The following DOCK1 variants were observed in gnomAD, a reference collection of about 807,000 sequenced individuals.
DOCK1 encodes dedicator of cytokinesis protein 1.
In DOCK1, 138 loss-of-function variants were observed where a neutral mutation model predicts 262.7. That is an observed-to-expected ratio of 0.53 (90% CI 0.46 to 0.61). The LOEUF (loss-of-function observed/expected upper bound fraction) is 0.61, where lower values mean the gene tolerates loss of function less well. Ranked by LOEUF, DOCK1 falls within the 20% of genes least tolerant of loss-of-function variation. DOCK1 has a pLI of 0.00. For missense variants in DOCK1, 1,908 were observed against 2,370.7 expected (o/e 0.80, Z 4.05); for synonymous variants, 866 against 867.4 (o/e 1.00, Z 0.03).
intron 38 of DOCK1, among the ~76,000 whole-genome samples, chr10:127,395,305 A>G (rs1402465250): frequency 6.6e-6 from 1 of 152,098 alleles, no homozygotes; most frequent in Non-Finnish European, 1.5e-5. Context: ...CCTGCTCCAC[A>G]TAAGTAGTGC....
At position 126,981,930 on chromosome 10, in the gene DOCK1, G is replaced by A. The variant is rs1025603420; in HGVS notation, c.184G>A (p.Ala62Thr). The A allele has an allele frequency of 7.4e-6, 12 of 1,612,718 alleles. No individual in the cohort carries two copies. Among genetic ancestry groups the A allele is most frequent in the Non-Finnish European group, 1.0e-5 (12 of 1,179,470 alleles). The change falls in exon 4 of 52, where the codon GCT becomes ACT. Residue 62 changes from alanine to threonine, a missense_variant. By Grantham distance (58) the Ala-to-Thr change is moderately conservative. Around this residue, in one of 9 missense-constraint regions of DOCK1, gnomAD observed 227 missense variants for 254.1 expected, o/e 0.89. Coordinates refer to ENST00000623213, the MANE Select transcript of DOCK1 (RefSeq NM_001290223.2). ...RKKSKKGIFP[A>T]SYIHLKEAIV... is the part of the protein sequence containing the mutation. The stretch of plus-strand genomic sequence containing the variant: ...TTTCCTCCCAAAGGGTATATTTCCT[G>A]CTTCATATATTCATCTTAAAGAAGC...
At chr10:127,438,871 A>G (rs1013933282) in intron 48 of DOCK1, among the ~76,000 whole-genome samples, 156 bp from the exon 49 acceptor site, 1 of 152,186 alleles carries the variant, frequency 6.6e-6, no homozygotes, top group African/African-American at 2.4e-5. Context: ...CAGTCCTTGC[A>G]TCTGGTGACT....
At chr10:127,415,316 A>T (rs2068091193) in intron 44 of DOCK1, 78 bp downstream of exon 44, 9 of 1,436,630 alleles carry the variant, frequency 6.3e-6, no homozygotes, top group Non-Finnish European at 7.7e-6. Flanking sequence ...TCACCTGCTC[A>T]TGCCCCGTGG....
At chr10:127,302,859 G>A (rs2061736001) in intron 29 of DOCK1, among the ~76,000 whole-genome samples, 1 of 151,462 alleles carries the variant, frequency 6.6e-6, no homozygotes, top group South Asian at 2.1e-4. Context: ...AATATGGACA[G>A]CAGACAGCCC....
chr10:127,255,038 C>T (rs1230971802), intron 28 of DOCK1, among the ~76,000 whole-genome samples: 2 of 152,190 alleles, frequency 1.3e-5, no homozygotes, highest in African/African-American at 4.8e-5. Flanking sequence ...GATTTTGCCT[C>T]TGAAGCAGAT....
chr10:126,933,064 G>T (rs1282687549), intron 1 of DOCK1, among the ~76,000 whole-genome samples: 1 of 152,048 alleles, frequency 6.6e-6, no homozygotes. Context: ...TGGACAAGCA[G>T]AAGGCCCAGG....
At chr10:127,339,731 G>GTT in intron 30 of DOCK1, among the ~76,000 whole-genome samples, 1 of 100,620 alleles carries the variant, frequency 9.9e-6, no homozygotes, top group South Asian at 4.2e-4. Flanking sequence ...GTGTGTGTGT[G>GTT]TGTGCATGCT....
chr10:127,292,702 G>A (rs781279664), intron 29 of DOCK1, among the ~76,000 whole-genome samples: 1 of 152,058 alleles, frequency 6.6e-6, no homozygotes, highest in African/African-American at 2.4e-5. Flanking sequence ...AAGGTGCAAC[G>A]TGCCTGCTTG....
intron 18 of DOCK1, among the ~76,000 whole-genome samples, chr10:127,034,907 C>A (rs2043490662): frequency 6.6e-6 from 1 of 152,168 alleles, no homozygotes; most frequent in Admixed American, 6.5e-5. Context: ...GGGGTGGGGT[C>A]AGTGGCAATC....
chr10:127,199,594 T>C (rs2057363931), intron 27 of DOCK1, among the ~76,000 whole-genome samples: 1 of 152,162 alleles, frequency 6.6e-6, no homozygotes, highest in South Asian at 2.1e-4. Context: ...AGACGCCCAG[T>C]GTTTATGACA....
intron 29 of DOCK1, among the ~76,000 whole-genome samples, chr10:127,303,622 G>A (rs181364587): frequency 7.7e-5 from 9 of 117,434 alleles, no homozygotes; most frequent in African/African-American, 2.9e-4. Flanking sequence ...ACTTTGGGAG[G>A]CCACAGTAAG....
Position 126,995,109 on chromosome 10 carries a change from G to C in DOCK1, c.474-1639G>C, listed in dbSNP as rs554281508. 2.5e-3 allele frequency among the ~76,000 whole-genome samples: 366 copies of C among 146,078 alleles called. 3 individuals carry two copies. Among genetic ancestry groups the C allele is most frequent in the African/African-American group, 9.0e-3 (353 of 39,228 alleles). On this transcript the variant is annotated intron_variant, in intron 6 of 51. Coordinates refer to ENST00000623213, the MANE Select transcript of DOCK1 (RefSeq NM_001290223.2). This position sits in a 1 kb window ranked among gnomAD's most constrained non-coding sequence, Gnocchi z 5.8. ...GGCGGCAGGGCAGAGGCGCTCCCCA[G>C]ATCCCAGACGATGGGCGGCCGGGCA...
chr10:127,390,976 G>A (rs1336327905), intron 38 of DOCK1, among the ~76,000 whole-genome samples: 1 of 152,286 alleles, frequency 6.6e-6, no homozygotes, highest in South Asian at 2.1e-4. Flanking sequence ...CAAGAACATC[G>A]TCAGACCAGC....
chr10:127,119,022 T>C (rs990253312), intron 25 of DOCK1, among the ~76,000 whole-genome samples: 1 of 150,190 alleles, frequency 6.7e-6, no homozygotes, highest in Non-Finnish European at 1.5e-5. Flanking sequence ...GGTCCTTTAC[T>C]CTGGGGGCTC....
chr10:126,972,032 TCAG>T (rs2038150932), intron 2 of DOCK1, among the ~76,000 whole-genome samples: 1 of 152,134 alleles, frequency 6.6e-6, no homozygotes, highest in Non-Finnish European at 1.5e-5. Flanking sequence ...TTCTCCTGCC[TCAG>T]CCTCCTGAGT....
intron 48 of DOCK1, among the ~76,000 whole-genome samples, chr10:127,436,030 C>T (rs1411485329): frequency 3.3e-5 from 5 of 152,194 alleles, no homozygotes; most frequent in Non-Finnish European, 4.4e-5. Context: ...ATCTCAAGTT[C>T]TGCTAAACCT....
At chr10:127,063,059 G>A (rs11817765) in intron 23 of DOCK1, among the ~76,000 whole-genome samples, 26,890 of 152,184 alleles carry the variant, frequency 0.18, 2,521 homozygotes, top group South Asian at 0.32. Context: ...AGTTATGGCG[G>A]TTTTCACTGG....
At chr10:127,057,797 ATAAT>A (rs2135787455) in intron 22 of DOCK1, among the ~76,000 whole-genome samples, 1 of 152,284 alleles carries the variant, frequency 6.6e-6, no homozygotes, top group Non-Finnish European at 1.5e-5. Context: ...AGCTTTGTAA[ATAAT>A]TAGTTATTGA....
chr10:127,096,746 C>T (rs960996562), intron 23 of DOCK1, among the ~76,000 whole-genome samples: 13 of 151,396 alleles, frequency 8.6e-5, no homozygotes, highest in Non-Finnish European at 1.5e-4. Context: ...TTTTATTTTT[C>T]AGTTTGGATT....
Sources: gnomAD v4.1 joint callset for allele counts (sites outside exome capture counted in the v4.1 genomes callset) on GRCh38, gnomAD v4.1.1 for gene constraint, gnomAD v4.1.1 regional missense constraint, Gnocchi (gnomAD v3.1) non-coding constraint, MANE v1.5 for transcripts, NCBI Gene and HGNC (gene_info 2026-07-23, HGNC 2026-07-21) for gene names.